The following PLEKHS1 variants were observed in gnomAD, a reference collection of about 807,000 sequenced individuals.
PLEKHS1 encodes the protein pleckstrin homology domain containing S1.
A neutral mutation model predicts 51.0 loss-of-function variants in PLEKHS1; 55 were observed. The ratio of observed to expected loss-of-function variants is 1.08; its 90% confidence interval spans 0.87 to 1.35. PLEKHS1 has a LOEUF of 1.35. PLEKHS1 is among the 40% of genes most tolerant of loss of function. The probability of loss-of-function intolerance (pLI) is 0.00; values close to 1 mark genes in which losing one functional copy is unlikely to be tolerated. For synonymous variants in PLEKHS1, 153 were observed against 144.8 expected (o/e 1.06, Z -0.41); for missense variants, 398 against 423.0 (o/e 0.94, Z 0.52).
chr10:113,756,167 T>C lies in PLEKHS1; in HGVS notation c.28+862T>C, dbSNP rs533968490. On this transcript the variant is annotated intron_variant, in intron 2 of 11. Transcript: ENST00000361048. ...TCTTTGTGCTTTATGTTGCAGGGGA[T>C]ATACAGATTAATAAATAAGAGTCAT... 2.0e-5 allele frequency among the ~76,000 whole-genome samples: 3 copies of C among 152,308 alleles called. No homozygotes were observed. In the East Asian group the frequency reaches 5.8e-4, roughly 29 times the overall value.
At chr10:113,754,435 G>A (rs963958025) in intron 1 of PLEKHS1, among the ~76,000 whole-genome samples, 1 of 152,108 alleles carries the variant, frequency 6.6e-6, no homozygotes, top group African/African-American at 2.4e-5. Flanking sequence ...TCATAGGATC[G>A]CCAGCAGCTG....
At chr10:113,774,129 C>A in intron 8 of PLEKHS1, 98 bp from the exon 9 acceptor site, 1 of 697,000 alleles carries the variant, frequency 1.4e-6, no homozygotes, top group Non-Finnish European at 2.4e-6. Flanking sequence ...GGAAACTGTA[C>A]CTCTATGTCA....
In PLEKHS1 at chr10:113,780,559, G is replaced by A. The variant is rs1205716229; in HGVS notation, c.*-43G>A. The A allele has an allele frequency of 5.1e-6, 8 of 1,568,048 alleles. No homozygotes were observed. The South Asian group carries it at 8.9e-5, about 17-fold the overall frequency. On this transcript the variant is annotated intron_variant, in intron 11 of 11. Transcript: ENST00000361048. ...CAGATTGGGAAGCAACAATCTTAAA[G>A]ATAATCTTTAGCCATTTAACTTTCT... is the stretch of plus-strand genomic sequence containing the variant.
chr10:113,763,939 T>C (rs1475333242), intron 2 of PLEKHS1, among the ~76,000 whole-genome samples: 1 of 152,224 alleles, frequency 6.6e-6, no homozygotes, highest in African/African-American at 2.4e-5. Flanking sequence ...CTTCCTGGAC[T>C]TCCCTTCACA....
intron 6 of PLEKHS1, among the ~76,000 whole-genome samples, chr10:113,769,561 G>T (rs1195677769): frequency 6.6e-6 from 1 of 152,182 alleles, no homozygotes; most frequent in Non-Finnish European, 1.5e-5. Context: ...TGAGGGAAAC[G>T]CTGGTCATCT....
At chr10:113,756,332 G>T (rs2134467195) in intron 2 of PLEKHS1, among the ~76,000 whole-genome samples, 1 of 152,112 alleles carries the variant, frequency 6.6e-6, no homozygotes, top group East Asian at 1.9e-4. Flanking sequence ...TGGGCGTGGT[G>T]CGCCTGTAAT....
intron 2 of PLEKHS1, among the ~76,000 whole-genome samples, chr10:113,757,834 C>A (rs1843738109): frequency 6.6e-6 from 1 of 152,194 alleles, no homozygotes; most frequent in Non-Finnish European, 1.5e-5. Context: ...TATTTTAAAT[C>A]CTTTATTGTG....
intron 2 of PLEKHS1, among the ~76,000 whole-genome samples, chr10:113,763,203 C>T (rs1593018004): frequency 6.6e-6 from 1 of 152,108 alleles, no homozygotes; most frequent in South Asian, 2.1e-4. Context: ...TATTCTTTGT[C>T]CTTGGTAATA....
intron 10 of PLEKHS1, among the ~76,000 whole-genome samples, 198 bp downstream of exon 10, chr10:113,775,233 C>T (rs1479502422): frequency 6.6e-6 from 1 of 151,900 alleles, no homozygotes; most frequent in Non-Finnish European, 1.5e-5. Context: ...AAAGCAGTTC[C>T]TGGGGCGGGG....
chr10:113,765,211 A>C, intron 2 of PLEKHS1: 1 of 497,366 alleles, frequency 2.0e-6, no homozygotes, highest in Non-Finnish European at 3.7e-6. Flanking sequence ...GATACAGTTA[A>C]ATTTTTTGGG....
rs529438976 is a variant in PLEKHS1 at position 113,754,705 on chromosome 10, C to T, written c.-19-554C>T. Among the ~76,000 whole-genome samples the T allele has an allele frequency of 2.6e-5, 4 of 152,170 alleles. No individual in the cohort carries two copies. The South Asian group carries it at 6.2e-4, about 24-fold the overall frequency. On this transcript the variant is annotated intron_variant, in intron 1 of 11. Transcript: ENST00000361048. ...TTCACCATGTTGGTCAGGCTGGTCT[C>T]GAACTCCTGACCTCATGATCTACCC...
intron 2 of PLEKHS1, among the ~76,000 whole-genome samples, chr10:113,763,044 T>C (rs868100073): frequency 5.3e-5 from 8 of 152,114 alleles, no homozygotes; most frequent in Non-Finnish European, 1.5e-5. Context: ...GAGAGGGATA[T>C]TGAAATCTCT....
At chr10:113,761,060 T>C (rs1843899944) in intron 2 of PLEKHS1, among the ~76,000 whole-genome samples, 1 of 152,222 alleles carries the variant, frequency 6.6e-6, no homozygotes, top group African/African-American at 2.4e-5. Flanking sequence ...TTGAAAAGAC[T>C]GTTCTCTCCC....
chr10:113,777,819 G>T, intron 11 of PLEKHS1: 2 of 1,397,392 alleles, frequency 1.4e-6, no homozygotes, highest in East Asian at 2.6e-5. Context: ...ATAGAATATT[G>T]CAAGAATTAA....
exon 12 of PLEKHS1, chr10:113,780,702 T>C: frequency 6.2e-7 from 1 of 1,611,994 alleles, no homozygotes; most frequent in Non-Finnish European, 8.5e-7. Flanking sequence ...CCTTCTCAGC[T>C]GGATAAGCCT....
At chr10:113,763,038 G>A (rs985599678) in intron 2 of PLEKHS1, among the ~76,000 whole-genome samples, 3 of 152,042 alleles carry the variant, frequency 2.0e-5, no homozygotes, top group Admixed American at 2.0e-4. Flanking sequence ...TCTTGAGAGA[G>A]GGATATTGAA....
chr10:113,759,044 A>G (rs1843800657), intron 2 of PLEKHS1, among the ~76,000 whole-genome samples: 2 of 152,224 alleles, frequency 1.3e-5, no homozygotes, highest in African/African-American at 2.4e-5. Flanking sequence ...AAAGCACAAT[A>G]AAGTGAAGTG....
At chr10:113,768,745 A>G (rs1844268484) in intron 5 of PLEKHS1, 70 bp from the exon 6 acceptor site, 1 of 1,269,486 alleles carries the variant, frequency 7.9e-7, no homozygotes, top group East Asian at 2.3e-5. Context: ...CATTCATAAA[A>G]GAATCCTTCT....
chr10:113,781,900 A>T (rs984860329), exon 12 of PLEKHS1: 20 of 152,462 alleles, frequency 1.3e-4, no homozygotes, highest in African/African-American at 4.6e-4. Flanking sequence ...TTCAATAAGT[A>T]TCTTGTTCTC....
Sources: gnomAD v4.1 joint callset for allele counts (sites outside exome capture counted in the v4.1 genomes callset) on GRCh38, gnomAD v4.1.1 for gene constraint, MANE v1.5 for transcripts, NCBI Gene and HGNC (gene_info 2026-07-23, HGNC 2026-07-21) for gene names.